Variants in KMT2B observed in about 807,000 individuals in gnomAD.
The protein encoded by KMT2B is histone-lysine N-methyltransferase 2B.
Under a neutral mutation model 255.3 loss-of-function variants are expected in KMT2B, and 22 were observed. The ratio of observed to expected loss-of-function variants is 0.09; its 90% CI spans 0.06 to 0.12. The LOEUF (loss-of-function observed/expected upper bound fraction) is 0.12. KMT2B is among the 10% of genes least tolerant of loss of function. The probability of loss-of-function intolerance (pLI) is 1.00; values close to 1 mark genes in which losing one functional copy is unlikely to be tolerated. For missense variants in KMT2B, 3,149 were observed against 3,737.0 expected (o/e 0.84, Z 4.10); for synonymous variants, 1,730 against 1,498.1 (o/e 1.15, Z -3.57).
chr19:35,720,508 TGAG>T lies in KMT2B; in HGVS notation c.1165_1167del (p.Glu389del). 1 of 1,551,114 alleles carries T rather than the reference TGAG, an allele frequency of 6.4e-7. No homozygotes were observed. The highest frequency in any genetic ancestry group is 8.7e-7 in the Non-Finnish European group (1 of 1,146,818). On this transcript the variant is annotated inframe_deletion, in exon 3 of 37. Transcript: ENST00000420124. Reference sequence around the variant, plus strand: ...AAGAGAAGGAAGAAAGAGCTGTAGCTGAGGAGATGATGCCAGCTGCGGAAAAGG... The same window carrying T: ...AAGAGAAGGAAGAAAGAGCTGTAGCTGAGATGATGCCAGCTGCGGAAAAGG...
In KMT2B at chr19:35,733,328, T is replaced by G; in HGVS notation, c.6779T>G (p.Leu2260Arg). 3 of 556,386 alleles carry G rather than the reference T, an allele frequency of 5.4e-6. No homozygotes were observed. Among genetic ancestry groups the G allele is most frequent in the Non-Finnish European group, 8.2e-6 (3 of 365,216 alleles). The allele number at this position is 556,386 out of a possible 1,614,324, so 34.5% of individuals were successfully genotyped here. ...RPAPPPPPPP[L>R]TLVLSSGPAS... ...GCCCCGCCCCCGCCACCCCCTCCCC[T>G]GACGCTGGTGCTGAGCAGTGGGCCA... The change falls in exon 28 of 37, where the codon CTG becomes CGG. Residue 2260 changes from leucine (L) to arginine (R), a missense_variant. This residue lies in a region of KMT2B where 897 missense variants were observed against 825.3 expected (regional missense o/e 1.09). Transcript: ENST00000420124. The surrounding 1 kb of genome is among the most constrained non-coding windows in gnomAD (Gnocchi z 4.3).
In KMT2B at chr19:35,725,684, G is replaced by T; in HGVS notation, c.3790-39G>T. 1 of 1,613,086 alleles carries T rather than the reference G, an allele frequency of 6.2e-7. No homozygotes were observed. The highest frequency in any genetic ancestry group is 8.5e-7 in the Non-Finnish European group (1 of 1,179,516). On this transcript the variant is annotated intron_variant, in intron 12 of 36. Transcript: ENST00000420124. The surrounding 1 kb of genome is among the most constrained non-coding windows in gnomAD (Gnocchi z 4.1). ...GGCCTGAAGGTGAGGGCATCCCTGT[G>T]CCAGCAGGTTTCGCCATCTCTGTCT...
In KMT2B at chr19:35,722,644, G is replaced by C; in HGVS notation, c.2648G>C (p.Arg883Pro). Reference sequence around the variant, plus strand: ...GCTGCTGTGGCCCTGGGTCAGGCCCGGGCCATGGTGCCTGAAGATGTCCCT... The same window carrying C: ...GCTGCTGTGGCCCTGGGTCAGGCCCCGGCCATGGTGCCTGAAGATGTCCCT... Reference protein sequence around the residue: ...RHAAVALGQARAMVPEDVPRL... With the variant: ...RHAAVALGQAPAMVPEDVPRL... Residue 883 changes from arginine (R) to proline (P), a missense_variant, in exon 5 of 37, where the codon CGG becomes CCG. Arg to Pro is a moderately radical substitution (Grantham distance 103). Coordinates refer to ENST00000420124, the MANE Select transcript of KMT2B (RefSeq NM_014727.3). 1 of 1,612,758 alleles carries C rather than the reference G, an allele frequency of 6.2e-7. No homozygotes were observed. The highest frequency in any genetic ancestry group is 8.5e-7 in the Non-Finnish European group (1 of 1,179,586).
rs772879301 is a variant in KMT2B, at chr19:35,738,242, C to T, written c.7873-40C>T. 13 of 1,593,076 alleles carry T rather than the reference C, an allele frequency of 8.2e-6. 1 individual carries two copies. Among genetic ancestry groups the T allele is most frequent in the South Asian group, 3.3e-5 (3 of 90,960 alleles). ...ACAGTGGGTGAAGCGAGCCTGTCCGCGGGGACAGAGCACCTGATCTCCCCA... is the reference window on the plus strand; with the variant it reads ...ACAGTGGGTGAAGCGAGCCTGTCCGTGGGGACAGAGCACCTGATCTCCCCA... On this transcript the variant is annotated intron_variant, in intron 36 of 36. Transcript: ENST00000420124. The surrounding 1 kb of genome is among the most constrained non-coding windows in gnomAD (Gnocchi z 8.7).
chr19:35,729,514 G>C (rs1189503723), intron 22 of KMT2B, among the ~76,000 whole-genome samples: 1 of 152,220 alleles, frequency 6.6e-6, no homozygotes, highest in Admixed American at 6.5e-5. Flanking sequence ...CTAAAAGTGA[G>C]AAGAGTGCCC....
chr19:35,731,347 A>T (rs1969683545), intron 26 of KMT2B, among the ~76,000 whole-genome samples: 1 of 152,068 alleles, frequency 6.6e-6, no homozygotes, highest in Non-Finnish European at 1.5e-5. Context: ...GGGCTTGGAG[A>T]TGGGGGAGAG....
intron 30 of KMT2B, 92 bp from the exon 31 acceptor site, chr19:35,736,598 A>C: frequency 2.7e-6 from 4 of 1,473,100 alleles, no homozygotes; most frequent in East Asian, 2.4e-5. Context: ...CTAGGGGTGG[A>C]GAGAGTGGTG....
At chr19:35,724,097 C>T (rs1051632687) in intron 8 of KMT2B, 90 bp downstream of exon 8, 11 of 1,284,978 alleles carry the variant, frequency 8.6e-6, no homozygotes, top group African/African-American at 7.4e-5. Flanking sequence ...ACCCAGGGCT[C>T]TGTCAGTCTG....
At position 35,721,181 on chromosome 19, in the gene KMT2B, A is replaced by T. The variant is rs1969183666; in HGVS notation, c.1834A>T (p.Thr612Ser). The change falls in exon 3 of 37, where the codon ACC becomes TCC. Residue 612 changes from threonine to serine, a missense_variant. This residue lies in a region of KMT2B where 1,188 missense variants were observed against 1,106.4 expected (regional missense o/e 1.07). Transcript: ENST00000420124. Reference protein sequence around the residue: ...SILREPTFRWTSLTRELPPPP... With the variant: ...SILREPTFRWSSLTRELPPPP... ...CCTAAGGGAACCCACATTTCGCTGGACCTCACTGACCCGGGAGCTGCCCCC... is the reference window on the plus strand; with the variant it reads ...CCTAAGGGAACCCACATTTCGCTGGTCCTCACTGACCCGGGAGCTGCCCCC... 6.5e-6 allele frequency: 10 copies of T among 1,550,038 alleles called. No individual in the cohort carries two copies. Among genetic ancestry groups the T allele is most frequent in the Non-Finnish European group, 8.7e-6 (10 of 1,148,846 alleles).
chr19:35,725,116 A>T lies in KMT2B; in HGVS notation c.3528+29A>T, dbSNP rs757434300. 1 of 1,594,194 alleles carries T rather than the reference A, an allele frequency of 6.3e-7. No homozygotes were observed. Among genetic ancestry groups the T allele is most frequent in the Non-Finnish European group, 8.6e-7 (1 of 1,161,904 alleles). ...TGGCATTGAGTGGGGCGAGTCACAG[A>T]GCCTCTGGTTGGAAGAACCTCGATG... is the stretch of plus-strand genomic sequence containing the variant. On this transcript the variant is annotated intron_variant, in intron 10 of 36. Coordinates refer to ENST00000420124, the MANE Select transcript of KMT2B (RefSeq NM_014727.3). This position sits in a 1 kb window ranked among gnomAD's most constrained non-coding sequence, Gnocchi z 4.1.
In KMT2B at chr19:35,733,984, G is replaced by GC; in HGVS notation, c.7159+114dup. On this transcript the variant is annotated intron_variant, in intron 30 of 36. Transcript: ENST00000420124. This position sits in a 1 kb window ranked among gnomAD's most constrained non-coding sequence, Gnocchi z 4.3. The stretch of plus-strand genomic sequence containing the variant: ...ACCAGTATCTACTCCCAGGGGCCAA[G>GC]CCTGAGGCTCGGTGCTAGAGTTAGA... The GC allele has an allele frequency of 1.4e-6, 1 of 722,780 alleles. No individual in the cohort carries two copies. The highest frequency in any genetic ancestry group is 2.7e-5 in the East Asian group (1 of 37,150). 44.8% of individuals were successfully genotyped at this position (722,780 alleles called of 1,614,324 possible).
At position 35,725,762 on chromosome 19, in the gene KMT2B, C is replaced by T. The variant is rs1455064005; in HGVS notation, c.3829C>T (p.Pro1277Ser). 1.2e-6 allele frequency: 2 copies of T among 1,602,972 alleles called. No homozygotes were observed. The highest frequency in any genetic ancestry group is 8.5e-7 in the Non-Finnish European group (1 of 1,175,114). Residue 1277 changes from proline (P) to serine (S), a missense_variant, in exon 13 of 37, where the codon CCG (proline) becomes TCG (serine). Coordinates refer to ENST00000420124, the MANE Select transcript of KMT2B (RefSeq NM_014727.3). This position sits in a 1 kb window ranked among gnomAD's most constrained non-coding sequence, Gnocchi z 4.1. Reference protein sequence around the residue: ...ECERCRHAYHPACLGPSYPTR... With the variant: ...ECERCRHAYHSACLGPSYPTR... ...CGAGCGCTGCCGCCATGCATACCACCCGGCCTGTCTGGGGCCCAGCTATCC... is the reference window on the plus strand; with the variant it reads ...CGAGCGCTGCCGCCATGCATACCACTCGGCCTGTCTGGGGCCCAGCTATCC...
rs375123900 is a variant in KMT2B at position 35,733,778 on chromosome 19, G to A, written c.7065G>A (p.Arg2355=). The change falls in exon 30 of 37, where the codon CGG becomes CGA. Residue 2355 remains arginine (R), a synonymous_variant. Coordinates refer to ENST00000420124, the MANE Select transcript of KMT2B (RefSeq NM_014727.3). This position sits in a 1 kb window ranked among gnomAD's most constrained non-coding sequence, Gnocchi z 4.3. The stretch of plus-strand genomic sequence containing the variant: ...CTTCTCGCAGGCCCCTCCAGGAACG[G>A]TCCCCTTTGCTGCCACTTCCGGAAG... ...GEESPGPLQE[R]SPLLPLPEDG... is the part of the protein sequence containing the mutation. 33 of 1,613,516 alleles carry A rather than the reference G, an allele frequency of 2.0e-5. No individual in the cohort carries two copies. The African/African-American group carries it at 4.4e-4, about 22-fold the overall frequency.
rs749995718 is a variant in KMT2B, at chr19:35,727,801, C to T, written c.4392+14C>T. ...TACAAGTCTGTGGTGAGTGGTACACCAGGAGGAGCAGGTGGGTGGCAGGAG... is the reference window on the plus strand; with the variant it reads ...TACAAGTCTGTGGTGAGTGGTACACTAGGAGGAGCAGGTGGGTGGCAGGAG... On this transcript the variant is annotated intron_variant, in intron 17 of 36. Transcript: ENST00000420124. This position sits in a 1 kb window ranked among gnomAD's most constrained non-coding sequence, Gnocchi z 4.2. 3.7e-6 allele frequency: 6 copies of T among 1,613,566 alleles called. No individual in the cohort carries two copies. Among genetic ancestry groups the T allele is most frequent in the Middle Eastern group, 1.6e-4 (1 of 6,082 alleles).
chr19:35,722,668 C>T lies in KMT2B; in HGVS notation c.2672C>T (p.Pro891Leu). The change falls in exon 5 of 37, where the codon CCT becomes CTT. Residue 891 changes from proline (P) to leucine (L), a missense_variant. Physicochemically the swap from Pro to Leu is moderately conservative, Grantham distance 98. Coordinates refer to ENST00000420124, the MANE Select transcript of KMT2B (RefSeq NM_014727.3). ...QARAMVPEDV[P>L]RLSALPLRDR... ...CGGGCCATGGTGCCTGAAGATGTCC[C>T]TCGCCTCAGTGCCCTCCCTCTCCGG... 1 of 1,612,706 alleles carries T rather than the reference C, an allele frequency of 6.2e-7. No individual in the cohort carries two copies. The highest frequency in any genetic ancestry group is 8.5e-7 in the Non-Finnish European group (1 of 1,179,504).
In KMT2B at chr19:35,719,816, A is replaced by G; in HGVS notation, c.469A>G (p.Lys157Glu). Residue 157 changes from lysine (K) to glutamate (E), a missense_variant, in exon 3 of 37, where the codon AAG becomes GAG. Transcript: ENST00000420124. ...GCCCCGAGGTCGGGGTCGCAAGCAT[A>G]AGACGACCCCCCTTCCTCCTCCTCG... ...RAPRGRGRKH[K>E]TTPLPPPRLA... 5 of 1,607,624 alleles carry G rather than the reference A, an allele frequency of 3.1e-6. No homozygotes were observed. Among genetic ancestry groups the G allele is most frequent in the Non-Finnish European group, 4.2e-6 (5 of 1,177,594 alleles).
chr19:35,720,231 G>A lies in KMT2B; in HGVS notation c.884G>A (p.Arg295His), dbSNP rs201967801. ...CGTGGAGGCCGTGGAGGCAGGGGCC[G>A]CGGCCGAGGTGGTGGGCTCCCCTTT... ...SSRGGRGGRG[R>H]GRGGGLPFVI... The change falls in exon 3 of 37, where the codon CGC becomes CAC. Residue 295 changes from arginine (R) to histidine (H), a missense_variant. Physicochemically the swap from Arg to His is conservative, Grantham distance 29 (BLOSUM62 0). Transcript: ENST00000420124. The A allele has an allele frequency of 4.9e-5, 79 of 1,611,084 alleles. No homozygotes were observed. Among genetic ancestry groups the A allele is most frequent in the East Asian group, 4.5e-4 (20 of 44,822 alleles).
intron 3 of KMT2B, 40 bp downstream of exon 3, chr19:35,721,844 C>T: frequency 6.6e-7 from 1 of 1,511,694 alleles, no homozygotes; most frequent in East Asian, 2.3e-5. Context: ...ACCCAGCCAT[C>T]CAGCCTCCAT....
chr19:35,737,408 T>C lies in KMT2B; in HGVS notation c.7550+145T>C, dbSNP rs919206846. The C allele has an allele frequency of 3.9e-5, 39 of 990,478 alleles. No individual in the cohort carries two copies. The African/African-American group carries it at 6.2e-4, about 16-fold the overall frequency. 61.4% of individuals were successfully genotyped at this position (990,478 alleles called of 1,614,324 possible). On this transcript the variant is annotated intron_variant, in intron 33 of 36. Transcript: ENST00000420124. The surrounding 1 kb of genome is among the most constrained non-coding windows in gnomAD (Gnocchi z 5.3). ...GAGTTATTTCTAGAGTTAGCCAGGCTCCGTGGCTCATGCCTGTAATCCCGC... is the reference window on the plus strand; with the variant it reads ...GAGTTATTTCTAGAGTTAGCCAGGCCCCGTGGCTCATGCCTGTAATCCCGC...
Sources: gnomAD v4.1 joint callset for allele counts (sites outside exome capture counted in the v4.1 genomes callset) on GRCh38, gnomAD v4.1.1 for gene constraint, gnomAD v4.1.1 regional missense constraint, Gnocchi (gnomAD v3.1) non-coding constraint, MANE v1.5 for transcripts, NCBI Gene and HGNC (gene_info 2026-07-23, HGNC 2026-07-21) for gene names.